STXBP5L: variants seen among roughly 807,000 people sequenced by gnomAD.
The protein encoded by STXBP5L is syntaxin-binding protein 5-like.
A neutral mutation model predicts 144.5 loss-of-function variants in STXBP5L; 65 were observed. The ratio of observed to expected loss-of-function variants is 0.45; its 90% confidence interval spans 0.37 to 0.55. The LOEUF (loss-of-function observed/expected upper bound fraction) is 0.55. STXBP5L is among the 20% of genes least tolerant of loss of function. The pLI is 0.00. For missense variants in STXBP5L, 1,298 were observed against 1,405.5 expected, an observed-to-expected ratio of 0.92 and a Z score of 1.22; for synonymous variants, 505 against 469.6, an observed-to-expected ratio of 1.08 and a Z score of -0.97.
intron 10 of STXBP5L, among the ~76,000 whole-genome samples, chr3:121,210,222 TAA>T (rs1295514689): frequency 1.3e-5 from 2 of 152,256 alleles, no homozygotes; most frequent in Non-Finnish European, 2.9e-5. Context: ...TTTGGCTGCA[TAA>T]ATGTCTTCTT....
At chr3:121,172,920 G>T (rs1456252956) in intron 9 of STXBP5L, among the ~76,000 whole-genome samples, 1 of 152,098 alleles carries the variant, frequency 6.6e-6, no homozygotes, top group East Asian at 1.9e-4. Flanking sequence ...GCAAATACTT[G>T]GAACCAACCC....
intron 25 of STXBP5L, among the ~76,000 whole-genome samples, chr3:121,416,315 T>A (rs1308430555): frequency 6.6e-6 from 1 of 151,580 alleles, no homozygotes; most frequent in East Asian, 2.0e-4. Flanking sequence ...GATTTTTGAA[T>A]CTGCTTGACT....
chr3:121,231,029 AC>A (rs1178111808), intron 11 of STXBP5L, among the ~76,000 whole-genome samples: 4 of 152,150 alleles, frequency 2.6e-5, no homozygotes, highest in Admixed American at 2.6e-4. Context: ...ATTTTTAATC[AC>A]TATCAGAAAC....
At chr3:120,927,225 ACGCCCAGCC>A (rs1709687243) in intron 2 of STXBP5L, among the ~76,000 whole-genome samples, 5 of 152,162 alleles carry the variant, frequency 3.3e-5, no homozygotes, top group African/African-American at 1.2e-4. Context: ...GTGAGCCACT[ACGCCCAGCC>A]AATTTTTCTG....
intron 3 of STXBP5L, among the ~76,000 whole-genome samples, chr3:120,990,504 A>G (rs932890466): frequency 6.6e-6 from 1 of 152,186 alleles, no homozygotes; most frequent in East Asian, 1.9e-4. Flanking sequence ...CGCCAAGTCA[A>G]TCCTAAGCCA....
chr3:121,330,777 C>T (rs1349634847), intron 20 of STXBP5L, among the ~76,000 whole-genome samples: 1 of 152,202 alleles, frequency 6.6e-6, no homozygotes, highest in Non-Finnish European at 1.5e-5. Context: ...CCAACATTGC[C>T]TGCATCACCC....
chr3:120,928,461 C>T (rs1030338612), intron 2 of STXBP5L, among the ~76,000 whole-genome samples: 1 of 152,124 alleles, frequency 6.6e-6, no homozygotes, highest in South Asian at 2.1e-4. Flanking sequence ...CAAAGTTTCA[C>T]TATGTTGGCC....
intron 3 of STXBP5L, among the ~76,000 whole-genome samples, chr3:121,017,024 T>C (rs1945190839): frequency 6.6e-6 from 1 of 152,098 alleles, no homozygotes; most frequent in Non-Finnish European, 1.5e-5. Flanking sequence ...TGAACATAAA[T>C]GCAAAAATCA....
At chr3:121,335,757 C>T (rs914498699) in intron 20 of STXBP5L, among the ~76,000 whole-genome samples, 2 of 152,028 alleles carry the variant, frequency 1.3e-5, no homozygotes, top group Non-Finnish European at 2.9e-5. Flanking sequence ...ACACCACATA[C>T]GAAAATCTAC....
At chr3:120,915,127 A>G (rs1295996682) in intron 2 of STXBP5L, among the ~76,000 whole-genome samples, 6 of 152,178 alleles carry the variant, frequency 3.9e-5, no homozygotes, top group Non-Finnish European at 7.4e-5. Flanking sequence ...AAATGTTCTT[A>G]AAAACAAACA....
At chr3:121,233,419 C>T (rs979589429) in intron 11 of STXBP5L, among the ~76,000 whole-genome samples, 197 bp from the exon 12 acceptor site, 1 of 151,900 alleles carries the variant, frequency 6.6e-6, no homozygotes, top group African/African-American at 2.4e-5. Context: ...TTTTCTTGTT[C>T]TTTCTAGTGA....
At chr3:121,055,855 TA>T (rs1456932235) in intron 5 of STXBP5L, among the ~76,000 whole-genome samples, 1 of 143,838 alleles carries the variant, frequency 7.0e-6, no homozygotes, top group African/African-American at 2.7e-5. Context: ...TGACTAATGT[TA>T]ATTTTTTTTT....
intron 4 of STXBP5L, 81 bp from the exon 5 acceptor site, chr3:121,045,354 T>C (rs1197536634): frequency 5.5e-6 from 7 of 1,264,342 alleles, no homozygotes; most frequent in Non-Finnish European, 7.7e-6. Flanking sequence ...TAGTAAACAT[T>C]GAGTAAATTA....
intron 9 of STXBP5L, among the ~76,000 whole-genome samples, chr3:121,204,965 A>G (rs1471977196): frequency 6.6e-6 from 1 of 152,202 alleles, no homozygotes. Flanking sequence ...ATACATCATT[A>G]AAATGATTTT....
At chr3:120,982,512 A>T (rs537406356) in intron 3 of STXBP5L, among the ~76,000 whole-genome samples, 19 of 152,284 alleles carry the variant, frequency 1.2e-4, no homozygotes, top group African/African-American at 3.9e-4. Context: ...CCCAGGGCTC[A>T]TGACTCTCAG....
At chr3:121,046,387 G>C (rs1262978669) in intron 5 of STXBP5L, among the ~76,000 whole-genome samples, 1 of 152,176 alleles carries the variant, frequency 6.6e-6, no homozygotes, top group Non-Finnish European at 1.5e-5. Context: ...ATCAGTTGGA[G>C]AGGAGTTCCT....
intron 17 of STXBP5L, among the ~76,000 whole-genome samples, chr3:121,258,540 G>A (rs761061568): frequency 6.6e-6 from 1 of 152,060 alleles, no homozygotes; most frequent in Non-Finnish European, 1.5e-5. Context: ...TTTAGCTAGT[G>A]GATATATTTT....
intron 5 of STXBP5L, among the ~76,000 whole-genome samples, chr3:121,062,759 T>C (rs1231915037): frequency 6.6e-6 from 1 of 152,250 alleles, no homozygotes; most frequent in Non-Finnish European, 1.5e-5. Flanking sequence ...ATTAAGTTGC[T>C]CTTCATTCTT....
At chr3:121,236,577 T>C (rs1559892875) in intron 12 of STXBP5L, among the ~76,000 whole-genome samples, 1 of 151,986 alleles carries the variant, frequency 6.6e-6, no homozygotes, top group Non-Finnish European at 1.5e-5. Flanking sequence ...GAACGAAGAG[T>C]GGGAACTCGT....
Sources: allele counts gnomAD v4.1 joint callset (sites outside exome capture counted in the v4.1 genomes callset), GRCh38; gene constraint gnomAD v4.1.1; transcripts MANE v1.5; gene names NCBI Gene and HGNC (gene_info 2026-07-23, HGNC 2026-07-21).